UBE3D: variants seen among roughly 807,000 people sequenced by gnomAD.
UBE3D encodes the protein E3 ubiquitin-protein ligase E3D.
A neutral mutation model predicts 49.6 loss-of-function variants in UBE3D; 48 were observed. That is an observed-to-expected ratio of 0.97 (90% CI 0.77 to 1.23). The LOEUF (loss-of-function observed/expected upper bound fraction) is 1.23. UBE3D is among the 50% of genes most tolerant of loss of function. UBE3D has a pLI of 0.00. For synonymous variants in UBE3D, 189 were observed against 174.2 expected (o/e 1.08, Z -0.67); for missense variants, 452 against 468.4 (o/e 0.96, Z 0.32).
intron 9 of UBE3D, among the ~76,000 whole-genome samples, chr6:82,902,409 T>C (rs1582286567): frequency 6.6e-6 from 1 of 152,312 alleles, no homozygotes; most frequent in Non-Finnish European, 1.5e-5. Context: ...GCTAAATTGT[T>C]GTACAGCCAC....
chr6:82,995,110 G>C, intron 8 of UBE3D, among the ~76,000 whole-genome samples: 1 of 151,952 alleles, frequency 6.6e-6, no homozygotes, highest in Non-Finnish European at 1.5e-5. Flanking sequence ...AAAGGGAAGA[G>C]GCCAAAAGAA....
intron 8 of UBE3D, among the ~76,000 whole-genome samples, chr6:82,973,373 C>T (rs1427484167): frequency 1.3e-5 from 2 of 152,156 alleles, no homozygotes; most frequent in Non-Finnish European, 2.9e-5. Flanking sequence ...GGAAAATATA[C>T]TCCAGTTTTA....
chr6:82,992,293 G>C (rs901655022), intron 8 of UBE3D, among the ~76,000 whole-genome samples: 1 of 141,546 alleles, frequency 7.1e-6, no homozygotes, highest in Non-Finnish European at 1.5e-5. Flanking sequence ...CACGATCTCA[G>C]CTCACTGCAA....
intron 9 of UBE3D, among the ~76,000 whole-genome samples, chr6:82,950,568 G>T (rs2127766090): frequency 6.6e-6 from 1 of 152,240 alleles, no homozygotes; most frequent in African/African-American, 2.4e-5. Flanking sequence ...AGGAGTTCAA[G>T]AACTACCACA....
At chr6:82,989,804 T>C (rs953853921) in intron 8 of UBE3D, among the ~76,000 whole-genome samples, 1 of 152,212 alleles carries the variant, frequency 6.6e-6, no homozygotes, top group Non-Finnish European at 1.5e-5. Flanking sequence ...ATTACTTATA[T>C]GTAAGCCCTG....
chr6:82,941,300 T>A (rs527823875), intron 9 of UBE3D, among the ~76,000 whole-genome samples: 42 of 151,448 alleles, frequency 2.8e-4, no homozygotes, highest in African/African-American at 9.7e-4. Flanking sequence ...CAATTTTTTT[T>A]ATGAAAAAAG....
intron 9 of UBE3D, among the ~76,000 whole-genome samples, chr6:82,918,188 A>G (rs1187158792): frequency 6.6e-6 from 1 of 151,958 alleles, no homozygotes; most frequent in Non-Finnish European, 1.5e-5. Context: ...GAATAGTTGT[A>G]TATTTCTCTT....
At chr6:83,006,043 G>A (rs574576720) in intron 8 of UBE3D, among the ~76,000 whole-genome samples, 51 of 152,132 alleles carry the variant, frequency 3.4e-4, no homozygotes, top group African/African-American at 1.2e-3. Context: ...TGGCCAACAC[G>A]GTGAAACCCC....
At chr6:83,015,769 CAGGGGAGGCCATA>C (rs928400544) in intron 8 of UBE3D, among the ~76,000 whole-genome samples, 4 of 152,120 alleles carry the variant, frequency 2.6e-5, no homozygotes, top group Non-Finnish European at 5.9e-5. Context: ...GCAACTGCCT[CAGGGGAGGCCATA>C]AGGGGAGGCC....
At chr6:83,029,861 A>ATG (rs1351018103) in intron 5 of UBE3D, among the ~76,000 whole-genome samples, 2 of 152,108 alleles carry the variant, frequency 1.3e-5, no homozygotes, top group African/African-American at 4.8e-5. Context: ...GCAAGTATCC[A>ATG]CTGTACCTGC....
At chr6:82,914,940 A>T (rs551950314) in intron 9 of UBE3D, among the ~76,000 whole-genome samples, 1 of 152,282 alleles carries the variant, frequency 6.6e-6, no homozygotes, top group East Asian at 1.9e-4. Flanking sequence ...CTGGCTTCTC[A>T]CAGGATGATC....
chr6:82,900,265 A>T (rs1771633933), intron 9 of UBE3D, among the ~76,000 whole-genome samples: 1 of 152,208 alleles, frequency 6.6e-6, no homozygotes, highest in Non-Finnish European at 1.5e-5. Flanking sequence ...AAATATTTTC[A>T]ATTGTTTAAG....
chr6:82,910,023 A>T (rs1252252808), intron 9 of UBE3D, among the ~76,000 whole-genome samples: 1 of 152,180 alleles, frequency 6.6e-6, no homozygotes, highest in Admixed American at 6.5e-5. Flanking sequence ...CATCGATTAA[A>T]CACTTGAATT....
chr6:82,984,898 T>A (rs971872216), intron 8 of UBE3D, among the ~76,000 whole-genome samples: 5 of 151,990 alleles, frequency 3.3e-5, no homozygotes, highest in Non-Finnish European at 7.4e-5. Flanking sequence ...AAAGCCTTTA[T>A]CTTCTGGGCT....
chr6:82,892,624 G>T lies in UBE3D; in HGVS notation c.*398C>A. The T allele has an allele frequency of 5.4e-6, 1 of 186,822 alleles. No individual in the cohort carries two copies. Among genetic ancestry groups the T allele is most frequent in the Non-Finnish European group, 1.1e-5 (1 of 87,928 alleles). 11.6% of individuals were successfully genotyped at this position (186,822 alleles called of 1,614,324 possible). A position where few individuals can be genotyped will look rare whatever the true frequency, so the allele number is the denominator to read the frequency against. On this transcript the variant is annotated 3_prime_UTR_variant, in exon 10 of 10. Transcript: ENST00000369747. ...AACTCTTTAAAAGTTTATTTCCTAG[G>T]ATTTACAGCAGTTAACATTCAGTTC...
intron 3 of UBE3D, among the ~76,000 whole-genome samples, chr6:83,046,670 G>GGT (rs1311405949): frequency 1.0e-5 from 1 of 95,484 alleles, no homozygotes; most frequent in Admixed American, 1.0e-4. Context: ...TCTTGCAGTT[G>GGT]GCGGGGGGGG....
At chr6:82,936,841 T>C (rs1238431132) in intron 9 of UBE3D, among the ~76,000 whole-genome samples, 1 of 152,206 alleles carries the variant, frequency 6.6e-6, no homozygotes, top group Non-Finnish European at 1.5e-5. Context: ...TTCAGGCTAG[T>C]TTAATCCACA....
intron 3 of UBE3D, among the ~76,000 whole-genome samples, chr6:83,045,472 TTA>T (rs1221354729): frequency 6.6e-6 from 1 of 151,704 alleles, no homozygotes; most frequent in Non-Finnish European, 1.5e-5. Flanking sequence ...GGTGGTATTA[TTA>T]TGTTCTTATT....
chr6:83,001,412 T>C (rs183763629), intron 8 of UBE3D, among the ~76,000 whole-genome samples: 25 of 152,320 alleles, frequency 1.6e-4, no homozygotes, highest in African/African-American at 6.0e-4. Flanking sequence ...GTTGAAAACT[T>C]TTCTATTAGT....
Sources: allele counts gnomAD v4.1 joint callset (sites outside exome capture counted in the v4.1 genomes callset), GRCh38; gene constraint gnomAD v4.1.1; transcripts MANE v1.5; gene names NCBI Gene and HGNC (gene_info 2026-07-23, HGNC 2026-07-21).